ATP1A4: variants seen among roughly 807,000 people sequenced by gnomAD.
ATP1A4 encodes sodium/potassium-transporting ATPase subunit alpha-4.
ATP1A4 carries 90 observed loss-of-function variants against 114.3 expected under a neutral mutation model. That is an observed-to-expected ratio of 0.79 (90% CI 0.66 to 0.94). The LOEUF (loss-of-function observed/expected upper bound fraction) is 0.94. Among genes scored for constraint, ATP1A4 ranks in the 40% least tolerant of loss-of-function variants. ATP1A4 has a pLI of 0.00. For missense variants in ATP1A4, 1,222 were observed against 1,313.6 expected (o/e 0.93, Z 1.08); for synonymous variants, 511 against 494.1 (o/e 1.03, Z -0.45).
At chr1:160,180,912 C>A (rs1653672828) in intron 18 of ATP1A4, among the ~76,000 whole-genome samples, 1 of 151,822 alleles carries the variant, frequency 6.6e-6, no homozygotes, top group Admixed American at 6.6e-5. Flanking sequence ...GACGGGGTTT[C>A]ATTGTGTTAG....
intron 17 of ATP1A4, 39 bp from the exon 18 acceptor site, chr1:160,177,480 G>A: frequency 6.2e-7 from 1 of 1,608,106 alleles, no homozygotes; most frequent in South Asian, 1.1e-5. Flanking sequence ...GCCCTTCTCT[G>A]AACCAGGCTC....
chr1:160,179,565 G>C (rs368749801), intron 18 of ATP1A4, among the ~76,000 whole-genome samples: 249 of 152,280 alleles, frequency 1.6e-3, no homozygotes, highest in African/African-American at 5.1e-3. Context: ...ATCTGGTATA[G>C]AGCCACCCAC....
In ATP1A4 at chr1:160,173,589, G is replaced by C. The variant is rs772803942; in HGVS notation, c.1863G>C (p.Met621Ile). The change falls in exon 13 of 22, where the codon ATG becomes ATC. Residue 621 changes from methionine to isoleucine, a missense_variant. Transcript: ENST00000368081. Reference sequence around the variant, plus strand: ...TCTCCTTCCCAACCCAGGTGATCATGGTAACAGGAGATCATCCCATTACAG... The same window carrying C: ...TCTCCTTCCCAACCCAGGTGATCATCGTAACAGGAGATCATCCCATTACAG... ...KCRSAGIKVI[M>I]VTGDHPITAK... 3 of 1,613,954 alleles carry C rather than the reference G, an allele frequency of 1.9e-6. No individual in the cohort carries two copies. The highest frequency in any genetic ancestry group is 2.5e-6 in the Non-Finnish European group (3 of 1,179,838).
At position 160,164,164 on chromosome 1, in the gene ATP1A4, CG is replaced by C; in HGVS notation, c.791del (p.Gly264ValfsTer3). On this transcript the variant is annotated frameshift_variant, in exon 7 of 22. Transcript: ENST00000368081. LOFTEE classifies it high-confidence loss of function. ...TCCTGCTTCATCCACAGGAACCGCC[CG>C]GGGTATTGTGATTGCTACGGGAGAC... ...FSTNCVEGTARGIVIATGDST... is the reference protein window; with the variant it reads ...FSTNCVEGTAXGIVIATGDST... 1 of 1,614,010 alleles carries C rather than the reference CG, an allele frequency of 6.2e-7. No homozygotes were observed. Among genetic ancestry groups the C allele is most frequent in the South Asian group, 1.1e-5 (1 of 91,074 alleles).
rs754156874 is a variant in ATP1A4, at chr1:160,164,366, T to C, written c.989T>C (p.Ile330Thr). The C allele has an allele frequency of 6.2e-7, 1 of 1,614,154 alleles. No individual in the cohort carries two copies. The highest frequency in any genetic ancestry group is 1.7e-5 in the Admixed American group (1 of 60,014). ...GGCTATGGTTGGCTGGAGGCTATCATTTTTCTCATTGGCATCATTGTGGCC... is the reference window on the plus strand; with the variant it reads ...GGCTATGGTTGGCTGGAGGCTATCACTTTTCTCATTGGCATCATTGTGGCC... ...LLGYGWLEAI[I>T]FLIGIIVANV... Residue 330 changes from isoleucine (I) to threonine (T), a missense_variant, in exon 7 of 22, where the codon ATT becomes ACT. Coordinates refer to ENST00000368081, the MANE Select transcript of ATP1A4 (RefSeq NM_144699.4).
At chr1:160,182,368 C>T (rs1254325914) in intron 20 of ATP1A4, among the ~76,000 whole-genome samples, 2 of 152,158 alleles carry the variant, frequency 1.3e-5, no homozygotes, top group African/African-American at 4.8e-5. Context: ...TAAAAATAGC[C>T]TAATCTATGC....
At chr1:160,166,248 AAC>A (rs1270445276) in intron 7 of ATP1A4, among the ~76,000 whole-genome samples, 3 of 152,204 alleles carry the variant, frequency 2.0e-5, no homozygotes, top group Non-Finnish European at 2.9e-5. Flanking sequence ...CAGCCTGGGT[AAC>A]ACAGAGTGAG....
Position 160,167,342 on chromosome 1 carries a change from C to T in ATP1A4, c.1421C>T (p.Ser474Phe), listed in dbSNP as rs201260826. The T allele has an allele frequency of 3.4e-5, 55 of 1,611,854 alleles. No homozygotes were observed. The African/African-American group carries it at 6.0e-4, about 18-fold the overall frequency. ...AAGTTCATCGAGCAGTCTTACAGCT[C>T]TGTGGCGGAGATGAGAGAGAAAAAC... ...LLKFIEQSYS[S>F]VAEMREKNPK... Residue 474 changes from serine to phenylalanine, a missense_variant, in exon 10 of 22, where the codon TCT becomes TTT. Coordinates refer to ENST00000368081, the MANE Select transcript of ATP1A4 (RefSeq NM_144699.4).
intron 4 of ATP1A4, 51 bp from the exon 5 acceptor site, chr1:160,158,951 G>A (rs1487903600): frequency 6.3e-7 from 1 of 1,585,952 alleles, no homozygotes; most frequent in Admixed American, 1.7e-5. Flanking sequence ...CTAAGAGTGG[G>A]ATGAGGAAAG....
At position 160,173,634 on chromosome 1, in the gene ATP1A4, T is replaced by G; in HGVS notation, c.1908T>G (p.Gly636=). Residue 636 remains glycine (G), a synonymous_variant, in exon 13 of 22, where the codon GGT becomes GGG. Coordinates refer to ENST00000368081, the MANE Select transcript of ATP1A4 (RefSeq NM_144699.4). ...HPITAKAIAK[G]VGIISEGTET... ...TTACAGCTAAGGCCATTGCCAAGGG[T>G]GTGGGCATCATCTCAGAAGGCACTG... 1 of 1,614,036 alleles carries G rather than the reference T, an allele frequency of 6.2e-7. No homozygotes were observed. The highest frequency in any genetic ancestry group is 1.1e-5 in the South Asian group (1 of 91,064).
intron 9 of ATP1A4, 21 bp from the exon 10 acceptor site, chr1:160,167,252 TTACTA>T: frequency 6.3e-7 from 1 of 1,585,102 alleles, no homozygotes; most frequent in Non-Finnish European, 8.6e-7. Context: ...CCCCTGGGGC[TTACTA>T]TACAAACCCC....
chr1:160,172,005 T>C (rs1653282483), intron 12 of ATP1A4, among the ~76,000 whole-genome samples: 2 of 152,084 alleles, frequency 1.3e-5, no homozygotes, highest in South Asian at 4.1e-4. Flanking sequence ...CCGATTTAAT[T>C]AGAAACTCTC....
At chr1:160,184,673 G>T (rs1363593215) in intron 20 of ATP1A4, among the ~76,000 whole-genome samples, 1 of 151,998 alleles carries the variant, frequency 6.6e-6, no homozygotes, top group Non-Finnish European at 1.5e-5. Context: ...AATTTCATCT[G>T]TTTCATTTTA....
At chr1:160,154,170 A>T (rs1042495635) in intron 2 of ATP1A4, among the ~76,000 whole-genome samples, 1 of 152,180 alleles carries the variant, frequency 6.6e-6, no homozygotes, top group African/African-American at 2.4e-5. Flanking sequence ...CCTGGCCAAC[A>T]TGGTGAAACC....
chr1:160,153,264 C>T (rs551450860), intron 2 of ATP1A4, 40 bp downstream of exon 2: 25 of 1,569,150 alleles, frequency 1.6e-5, no homozygotes, highest in Admixed American at 3.3e-5. Flanking sequence ...GAGTCTCCAA[C>T]TCTGACTGTG....
At chr1:160,179,894 G>T (rs1653617897) in intron 18 of ATP1A4, among the ~76,000 whole-genome samples, 1 of 152,152 alleles carries the variant, frequency 6.6e-6, no homozygotes. Context: ...GAGTGAGATG[G>T]AATTATAAAA....
intron 4 of ATP1A4, among the ~76,000 whole-genome samples, chr1:160,157,629 T>C (rs1652714871): frequency 6.6e-6 from 1 of 152,208 alleles, no homozygotes; most frequent in African/African-American, 2.4e-5. Flanking sequence ...GACAATATCT[T>C]AATTCTTGGG....
intron 6 of ATP1A4, among the ~76,000 whole-genome samples, chr1:160,161,749 C>T (rs898572505): frequency 1.3e-5 from 2 of 152,150 alleles, no homozygotes; most frequent in Non-Finnish European, 2.9e-5. Context: ...TAGAATGCCT[C>T]GGCCTGGGAA....
intron 2 of ATP1A4, among the ~76,000 whole-genome samples, chr1:160,154,505 G>T (rs1272639431): frequency 6.6e-6 from 1 of 152,048 alleles, no homozygotes; most frequent in African/African-American, 2.4e-5. Context: ...TCATTTCTTT[G>T]CATGGGAACA....
Sources: allele counts gnomAD v4.1 joint callset (sites outside exome capture counted in the v4.1 genomes callset), GRCh38; gene constraint gnomAD v4.1.1; transcripts MANE v1.5; gene names NCBI Gene and HGNC (gene_info 2026-07-23, HGNC 2026-07-21).